The following RIN2 variants were observed in gnomAD, a reference collection of about 807,000 sequenced individuals.
RIN2 encodes the protein Ras and Rab interactor 2, also known as RAB5 interacting protein 2.
Under a neutral mutation model 78.0 loss-of-function variants are expected in RIN2, and 36 were observed. The ratio of observed to expected loss-of-function variants is 0.46; its 90% CI spans 0.35 to 0.61. The LOEUF is 0.61. Ranked by LOEUF, RIN2 falls within the 20% of genes least tolerant of loss-of-function variation. The pLI is 0.00. For missense variants in RIN2, 1,087 were observed against 1,159.7 expected (o/e 0.94, Z 0.91); for synonymous variants, 466 against 466.8 (o/e 1.00, Z 0.02).
chr20:19,891,622 G>A (rs1013750668), intron 3 of RIN2, among the ~76,000 whole-genome samples: 6 of 152,056 alleles, frequency 3.9e-5, no homozygotes, highest in African/African-American at 7.2e-5. Flanking sequence ...AGTTCGAGAC[G>A]AGCCTGGCCA....
At chr20:19,811,232 C>T (rs73293315) in intron 2 of RIN2, among the ~76,000 whole-genome samples, 2,977 of 151,826 alleles carry the variant, frequency 0.02, 92 homozygotes, top group African/African-American at 0.066. Context: ...AGGGAAAGAA[C>T]GAGTGTTAAA....
At chr20:19,774,234 C>T (rs1568739826) in intron 1 of RIN2, among the ~76,000 whole-genome samples, 1 of 152,142 alleles carries the variant, frequency 6.6e-6, no homozygotes, top group Admixed American at 6.5e-5. Flanking sequence ...CACCCCCGAG[C>T]AGCCAAGTAC....
At chr20:19,932,789 A>G (rs2040489474) in intron 3 of RIN2, among the ~76,000 whole-genome samples, 1 of 152,216 alleles carries the variant, frequency 6.6e-6, no homozygotes, top group Non-Finnish European at 1.5e-5. Context: ...GAGTGTCAGA[A>G]GCTACTTCAC....
intron 5 of RIN2, among the ~76,000 whole-genome samples, chr20:19,960,059 T>C (rs1171396114): frequency 6.6e-6 from 1 of 152,100 alleles, no homozygotes; most frequent in Non-Finnish European, 1.5e-5. Flanking sequence ...TCCACCGGGG[T>C]GAACTTCAGA....
At chr20:19,980,504 TG>T (rs1335266662) in intron 9 of RIN2, among the ~76,000 whole-genome samples, 2 of 152,152 alleles carry the variant, frequency 1.3e-5, no homozygotes, top group African/African-American at 2.4e-5. Flanking sequence ...GGGTGGCGGA[TG>T]GCATCACAAA....
chr20:19,987,149 A>G (rs568365392), intron 9 of RIN2, among the ~76,000 whole-genome samples: 5 of 152,318 alleles, frequency 3.3e-5, no homozygotes, highest in Admixed American at 3.3e-4. Context: ...AATACATTCC[A>G]TTGTCTGAAT....
intron 2 of RIN2, among the ~76,000 whole-genome samples, chr20:19,847,683 A>G (rs1244929341): frequency 2.6e-5 from 4 of 152,260 alleles, no homozygotes; most frequent in Non-Finnish European, 5.9e-5. Context: ...AAAATATCTC[A>G]TTTTTGAAAT....
At chr20:19,996,900 A>C in intron 12 of RIN2, 58 bp downstream of exon 12, 1 of 1,492,212 alleles carries the variant, frequency 6.7e-7, no homozygotes. Flanking sequence ...GAGCTGGCTC[A>C]CCCAGCACAT....
At chr20:19,995,315 C>T (rs1438460177) in intron 11 of RIN2, among the ~76,000 whole-genome samples, 1 of 150,470 alleles carries the variant, frequency 6.6e-6, no homozygotes, top group African/African-American at 2.5e-5. Flanking sequence ...AGTGGGGACT[C>T]AGATTCTATT....
intron 8 of RIN2, among the ~76,000 whole-genome samples, chr20:19,973,072 G>A (rs1182228263): frequency 6.6e-6 from 1 of 152,098 alleles, no homozygotes; most frequent in Non-Finnish European, 1.5e-5. Context: ...GGCCCTGAAT[G>A]TTTGTCAGAA....
chr20:19,779,843 T>G lies in RIN2; in HGVS notation c.-162-19779T>G, dbSNP rs138901197. The stretch of plus-strand genomic sequence containing the variant: ...TGGTTTTTATTGTTACCAGCATGTT[T>G]TGTGCCTCCGGGGAAAGAATACATG... On this transcript the variant is annotated intron_variant, in intron 1 of 12. Coordinates refer to ENST00000255006, the MANE Select transcript of RIN2 (RefSeq NM_018993.4). Among the ~76,000 whole-genome samples the G allele has an allele frequency of 6.2e-3, 951 of 152,316 alleles. 9 individuals are homozygous for G. The highest frequency in any genetic ancestry group is 0.021 in the African/African-American group (890 of 41,552).
intron 2 of RIN2, among the ~76,000 whole-genome samples, chr20:19,844,648 CTTCTTCTTCTTCTTCTTCTTCCTT>C (rs2036700335): frequency 1.9e-5 from 2 of 106,696 alleles, no homozygotes; most frequent in Non-Finnish European, 4.2e-5. Flanking sequence ...TCTTCTTCTT[CTTCTTCTTCTTCTTCTTCTTCCTT>C]CTTCTTCTTC....
At chr20:19,828,717 T>A (rs2036168241) in intron 2 of RIN2, among the ~76,000 whole-genome samples, 1 of 152,196 alleles carries the variant, frequency 6.6e-6, no homozygotes, top group African/African-American at 2.4e-5. Context: ...TGGAACATGA[T>A]AAAATATGCC....
At chr20:19,837,126 CAG>C (rs1325206245) in intron 2 of RIN2, among the ~76,000 whole-genome samples, 1 of 151,182 alleles carries the variant, frequency 6.6e-6, no homozygotes, top group Non-Finnish European at 1.5e-5. Context: ...AACTAAGCCT[CAG>C]AGAGATTAAG....
intron 2 of RIN2, among the ~76,000 whole-genome samples, chr20:19,846,843 T>C (rs1409082510): frequency 4.6e-5 from 7 of 152,304 alleles, no homozygotes; most frequent in Middle Eastern, 6.8e-3. Context: ...CAGTATGATA[T>C]TGGCTGTGGG....
intron 2 of RIN2, among the ~76,000 whole-genome samples, chr20:19,844,600 CCTCTTCTTCTTCTTCTTCTTCTTCTTCT>C (rs2036683287): frequency 8.0e-5 from 6 of 74,898 alleles, no homozygotes; most frequent in South Asian, 4.0e-4. Flanking sequence ...GCTGCTTCTT[CCTCTTCTTCTTCTTCTTCTTCTTCTTCT>C]TCTTCTTCTT....
intron 2 of RIN2, among the ~76,000 whole-genome samples, chr20:19,856,698 G>A (rs1285347005): frequency 6.6e-6 from 1 of 152,138 alleles, no homozygotes; most frequent in South Asian, 2.1e-4. Context: ...TTCATTAGAT[G>A]ATACATAAAA....
chr20:19,843,845 GA>G (rs1012615406), intron 2 of RIN2, among the ~76,000 whole-genome samples: 17 of 151,606 alleles, frequency 1.1e-4, no homozygotes, highest in South Asian at 4.2e-4. Flanking sequence ...AAGTTATTCT[GA>G]AAAAAAATAA....
intron 2 of RIN2, among the ~76,000 whole-genome samples, chr20:19,800,081 C>T (rs1032056925): frequency 2.6e-5 from 4 of 152,146 alleles, no homozygotes; most frequent in Non-Finnish European, 5.9e-5. Context: ...ATCACAACAC[C>T]ACCACGAGGT....
Sources: gnomAD v4.1 joint callset for allele counts (sites outside exome capture counted in the v4.1 genomes callset) on GRCh38, gnomAD v4.1.1 for gene constraint, MANE v1.5 for transcripts, NCBI Gene and HGNC (gene_info 2026-07-23, HGNC 2026-07-21) for gene names.